The following KCNH4 variants were observed in gnomAD, a reference collection of about 807,000 sequenced individuals.
KCNH4 encodes voltage-gated delayed rectifier potassium channel KCNH4.
In KCNH4, 33 loss-of-function variants were observed where a neutral mutation model predicts 90.7. The ratio of observed to expected loss-of-function variants is 0.36; its 90% CI spans 0.28 to 0.49. The LOEUF (loss-of-function observed/expected upper bound fraction) is 0.49. KCNH4 is among the 20% of genes least tolerant of loss of function. The pLI is 0.98. For synonymous variants in KCNH4, 551 were observed against 581.7 expected (o/e 0.95, Z 0.76); for missense variants, 1,044 against 1,387.1 (o/e 0.75, Z 3.93).
chr17:42,158,826 C>T, intron 16 of KCNH4, among the ~76,000 whole-genome samples: 1 of 150,942 alleles, frequency 6.6e-6, no homozygotes, highest in East Asian at 1.9e-4. Context: ...CAGAGTGAGA[C>T]TCCGTCTATA....
chr17:42,163,634 T>C lies in KCNH4; in HGVS notation c.2449A>G (p.Thr817Ala), dbSNP rs775778561. Residue 817 changes from threonine to alanine, a missense_variant, in exon 13 of 17, where the codon ACC becomes GCC. By Grantham distance (58) the Thr-to-Ala change is moderately conservative. This residue lies in a region of KCNH4 where 441 missense variants were observed against 512.3 expected (regional missense o/e 0.86). Coordinates refer to ENST00000264661, the MANE Select transcript of KCNH4 (RefSeq NM_012285.3). This position sits in a 1 kb window ranked among gnomAD's most constrained non-coding sequence, Gnocchi z 5.4. ...PPQLLIPPLG[T>A]FGPPDLSPRI... is the part of the protein sequence containing the mutation. ...GGACTGAGGTCCGGAGGTCCAAAGGTTCCCAGTGGGGGAATGAGAAGCTGA... is the reference window on the plus strand; with the variant it reads ...GGACTGAGGTCCGGAGGTCCAAAGGCTCCCAGTGGGGGAATGAGAAGCTGA... 1.1e-5 allele frequency: 16 copies of C among 1,494,886 alleles called. No individual in the cohort carries two copies. The Admixed American group carries it at 3.7e-4, about 35-fold the overall frequency. The allele number at this position is 1,494,886 out of a possible 1,614,324, so 92.6% of individuals were successfully genotyped here.
intron 11 of KCNH4, among the ~76,000 whole-genome samples, chr17:42,164,892 G>A (rs1304182102): frequency 6.6e-6 from 1 of 151,772 alleles, no homozygotes; most frequent in Non-Finnish European, 1.5e-5. Context: ...GATCACCTGA[G>A]GTCAGGAGTT....
At chr17:42,166,225 A>G in intron 10 of KCNH4, 72 bp downstream of exon 10, 1 of 1,503,414 alleles carries the variant, frequency 6.7e-7, no homozygotes, top group Non-Finnish European at 8.9e-7. Flanking sequence ...AATCCTGGCC[A>G]TTCCCAAGTC....
rs566341521 is a variant in KCNH4, at chr17:42,172,424, G to A, written c.988-429C>T. 7.9e-5 allele frequency among the ~76,000 whole-genome samples: 12 copies of A among 151,688 alleles called. No homozygotes were observed. The East Asian group carries it at 1.2e-3, about 15-fold the overall frequency. ...CCTGACCCCGTGATCCACCTGCCTC[G>A]GCCTCCCAAAGTGCTGGGATTACAA... On this transcript the variant is annotated intron_variant, in intron 6 of 16. Coordinates refer to ENST00000264661, the MANE Select transcript of KCNH4 (RefSeq NM_012285.3).
At chr17:42,170,743 G>A (rs187192587) in intron 7 of KCNH4, among the ~76,000 whole-genome samples, 1 of 152,350 alleles carries the variant, frequency 6.6e-6, no homozygotes, top group Admixed American at 6.5e-5. Flanking sequence ...GCAGTTGGGG[G>A]TTCTGGACAT....
intron 6 of KCNH4, among the ~76,000 whole-genome samples, chr17:42,174,417 G>A (rs1466885882): frequency 1.3e-5 from 2 of 152,162 alleles, no homozygotes; most frequent in Non-Finnish European, 2.9e-5. Flanking sequence ...AGCTGATGGT[G>A]CCTGGTGGGC....
intron 9 of KCNH4, 132 bp from the exon 10 acceptor site, chr17:42,166,678 G>T: frequency 8.8e-7 from 1 of 1,138,880 alleles, no homozygotes; most frequent in Non-Finnish European, 1.2e-6. Flanking sequence ...CAGACCTTCA[G>T]TACAACCTCT....
intron 9 of KCNH4, among the ~76,000 whole-genome samples, chr17:42,167,822 A>C (rs748968427): frequency 2.4e-4 from 37 of 152,156 alleles, no homozygotes; most frequent in Non-Finnish European, 2.9e-4. Context: ...ATTCCCTCCA[A>C]GATCCCCACA....
At chr17:42,164,304 C>A in intron 11 of KCNH4, 136 bp from the exon 12 acceptor site, 1 of 759,430 alleles carries the variant, frequency 1.3e-6, no homozygotes, top group Non-Finnish European at 2.1e-6. Context: ...AAACTATAAC[C>A]CTAACTCAAA....
Position 42,169,467 on chromosome 17 carries a change from T to C in KCNH4, c.1590+10A>G, listed in dbSNP as rs2079810868. The C allele has an allele frequency of 1.2e-6, 2 of 1,612,394 alleles. No individual in the cohort carries two copies. Among genetic ancestry groups the C allele is most frequent in the Non-Finnish European group, 1.7e-6 (2 of 1,179,762 alleles). On this transcript the variant is annotated intron_variant, in intron 9 of 16. Coordinates refer to ENST00000264661, the MANE Select transcript of KCNH4 (RefSeq NM_012285.3). ...AGGGCAAGGGCAAGATTGGAGACCC[T>C]GCAGGCTACCTCGTTGGCGTCGATG...
chr17:42,164,270 G>C (rs1262845679), intron 11 of KCNH4, 102 bp from the exon 12 acceptor site: 3 of 1,071,202 alleles, frequency 2.8e-6, no homozygotes, highest in Non-Finnish European at 4.0e-6. Flanking sequence ...TGAGAATGTG[G>C]AGTCTTTTGT....
chr17:42,174,328 A>G (rs1373551134), intron 6 of KCNH4, among the ~76,000 whole-genome samples: 1 of 152,132 alleles, frequency 6.6e-6, no homozygotes, highest in Non-Finnish European at 1.5e-5. Context: ...TGAGTGTGAA[A>G]GAACATAGGG....
chr17:42,179,174 T>C (rs1261112995), intron 1 of KCNH4, 148 bp from the exon 2 acceptor site: 3 of 619,988 alleles, frequency 4.8e-6, no homozygotes, highest in Middle Eastern at 2.9e-4. Flanking sequence ...CTTTGGGATA[T>C]TCTGAATTGA....
At chr17:42,176,973 C>A (rs762369399) in intron 4 of KCNH4, among the ~76,000 whole-genome samples, 8 of 152,198 alleles carry the variant, frequency 5.3e-5, no homozygotes, top group African/African-American at 9.7e-5. Context: ...CTCACTGCAG[C>A]CTTAAACTCC....
chr17:42,165,362 G>T (rs2079779659), intron 11 of KCNH4, 87 bp downstream of exon 11: 2 of 1,526,694 alleles, frequency 1.3e-6, no homozygotes, highest in African/African-American at 1.4e-5. Flanking sequence ...TTAGGGTGGA[G>T]GGAGGTTCAT....
intron 9 of KCNH4, among the ~76,000 whole-genome samples, chr17:42,167,475 A>G (rs2079796186): frequency 6.6e-6 from 1 of 152,160 alleles, no homozygotes; most frequent in Admixed American, 6.5e-5. Context: ...CATGTTGGCC[A>G]GGCTGGTCTC....
At position 42,163,395 on chromosome 17, in the gene KCNH4, G is replaced by A; in HGVS notation, c.2478-61C>T. On this transcript the variant is annotated intron_variant, in intron 13 of 16. Coordinates refer to ENST00000264661, the MANE Select transcript of KCNH4 (RefSeq NM_012285.3). The surrounding 1 kb of genome is among the most constrained non-coding windows in gnomAD (Gnocchi z 5.4). The stretch of plus-strand genomic sequence containing the variant: ...TGAGGGTAAGGGCCAGAGCAGAGCA[G>A]ACAGAGGGGGACTGGGGGCAGCAGT... 1 of 1,223,328 alleles carries A rather than the reference G, an allele frequency of 8.2e-7. No homozygotes were observed. Among genetic ancestry groups the A allele is most frequent in the Non-Finnish European group, 1.2e-6 (1 of 839,298 alleles). The allele number at this position is 1,223,328 out of a possible 1,614,324, so 75.8% of individuals were successfully genotyped here.
chr17:42,169,035 T>C (rs1385963725), intron 9 of KCNH4, among the ~76,000 whole-genome samples: 2 of 152,104 alleles, frequency 1.3e-5, no homozygotes, highest in Admixed American at 6.6e-5. Context: ...CCTCCCAAAG[T>C]GCTGGGATTA....
At chr17:42,172,346 G>A (rs1002074002) in intron 6 of KCNH4, among the ~76,000 whole-genome samples, 3 of 151,516 alleles carry the variant, frequency 2.0e-5, no homozygotes, top group African/African-American at 7.3e-5. Context: ...GCTAATTTTT[G>A]TATTTGTAGT....
Sources: allele counts gnomAD v4.1 joint callset (sites outside exome capture counted in the v4.1 genomes callset), GRCh38; gene constraint gnomAD v4.1.1; regional missense constraint gnomAD v4.1.1; non-coding constraint Gnocchi (gnomAD v3.1); transcripts MANE v1.5; gene names NCBI Gene and HGNC (gene_info 2026-07-23, HGNC 2026-07-21).